UBE2V1: variants seen among roughly 807,000 people sequenced by gnomAD.
UBE2V1 encodes ubiquitin conjugating enzyme E2 V1, also known as ubiquitin-conjugating enzyme E2 variant 1.
Under a neutral mutation model 19.6 loss-of-function variants are expected in UBE2V1, and 15 were observed. That is an observed-to-expected ratio of 0.77 (90% CI 0.51 to 1.18). UBE2V1 has a LOEUF of 1.18. UBE2V1 is among the 50% of genes most tolerant of loss of function. The probability of loss-of-function intolerance (pLI) is 0.00; values close to 1 mark genes in which losing one functional copy is unlikely to be tolerated. For synonymous variants in UBE2V1, 60 were observed against 60.7 expected, an observed-to-expected ratio of 0.99 and a Z score of 0.05; for missense variants, 125 against 184.8, an observed-to-expected ratio of 0.68 and a Z score of 1.88.
At chr20:50,096,956 C>T (rs2079663536) in intron 1 of UBE2V1, 136 bp from the exon 2 acceptor site, 1 of 1,390,318 alleles carries the variant, frequency 7.2e-7, no homozygotes. Flanking sequence ...TATCACACCT[C>T]AAACTTGCTA....
intron 2 of UBE2V1, among the ~76,000 whole-genome samples, chr20:50,094,040 T>A (rs1342354655): frequency 9.5e-4 from 119 of 125,560 alleles, no homozygotes; most frequent in African/African-American, 2.5e-3. Context: ...ATAAAATATA[T>A]ATATATAAAA....
At chr20:50,098,676 T>C (rs2079789946) in intron 1 of UBE2V1, among the ~76,000 whole-genome samples, 2 of 152,316 alleles carry the variant, frequency 1.3e-5, no homozygotes, top group Middle Eastern at 3.4e-3. Flanking sequence ...CGGTGGTATG[T>C]GATTGAACAC....
At chr20:50,111,324 G>C (rs2080738630) in intron 1 of UBE2V1, 1 of 993,952 alleles carries the variant, frequency 1.0e-6, no homozygotes, top group Admixed American at 6.2e-5. Context: ...GTTAGAACCG[G>C]GCAGCTGTTA....
chr20:50,083,837 C>T (rs961317026), intron 3 of UBE2V1: 13 of 220,530 alleles, frequency 5.9e-5, no homozygotes, highest in African/African-American at 2.5e-4. Context: ...AGATCTTCCA[C>T]GTCTGTGCCT....
At chr20:50,088,745 C>T (rs993921911) in intron 2 of UBE2V1, among the ~76,000 whole-genome samples, 2 of 144,750 alleles carry the variant, frequency 1.4e-5, no homozygotes, top group African/African-American at 5.2e-5. Context: ...GTGATTGTGT[C>T]ACTGAACTTC....
chr20:50,097,985 A>G (rs765374760), intron 1 of UBE2V1, among the ~76,000 whole-genome samples: 1 of 152,268 alleles, frequency 6.6e-6, no homozygotes, highest in Non-Finnish European at 1.5e-5. Context: ...TAAAACAAAA[A>G]TGCCTGCAGC....
At chr20:50,095,608 C>T (rs1568991737) in intron 2 of UBE2V1, among the ~76,000 whole-genome samples, 2 of 152,204 alleles carry the variant, frequency 1.3e-5, no homozygotes, top group Admixed American at 1.3e-4. Flanking sequence ...CGGGCCACGC[C>T]CTACATGTCT....
rs2079744428 is a variant in UBE2V1 at position 50,098,059 on chromosome 20, ATCC to A, written c.23-1242_23-1240del. ...ATATGTAAATTATACAGTATGACAGATCCTGGTGTTCCGGAGGAGGGAGTAATA... is the reference window on the plus strand; with the variant it reads ...ATATGTAAATTATACAGTATGACAGATGGTGTTCCGGAGGAGGGAGTAATA... On this transcript the variant is annotated intron_variant, in intron 1 of 3. Transcript: ENST00000371674. 3.3e-5 allele frequency among the ~76,000 whole-genome samples: 5 copies of A among 152,224 alleles called. No individual in the cohort carries two copies. In the South Asian group the frequency reaches 1.0e-3, roughly 31 times the overall value.
intron 2 of UBE2V1, among the ~76,000 whole-genome samples, chr20:50,089,268 C>G (rs2079090858): frequency 6.6e-6 from 1 of 152,090 alleles, no homozygotes; most frequent in African/African-American, 2.4e-5. Flanking sequence ...GAGTTGAACT[C>G]AGAACTCTGA....
chr20:50,104,225 T>C, intron 1 of UBE2V1: 1 of 835,090 alleles, frequency 1.2e-6, no homozygotes. Context: ...GAGGTTACAG[T>C]GAGCCGAGAT....
At chr20:50,089,015 G>A (rs545460270) in intron 2 of UBE2V1, among the ~76,000 whole-genome samples, 4 of 152,230 alleles carry the variant, frequency 2.6e-5, no homozygotes, top group South Asian at 4.1e-4. Context: ...GGAGAAGAGT[G>A]GGGATATGGC....
At chr20:50,098,072 G>A (rs936511143) in intron 1 of UBE2V1, among the ~76,000 whole-genome samples, 2 of 152,182 alleles carry the variant, frequency 1.3e-5, no homozygotes, top group Non-Finnish European at 2.9e-5. Flanking sequence ...CTGGTGTTCC[G>A]GAGGAGGGAG....
Position 50,096,605 on chromosome 20 carries a change from A to G in UBE2V1, c.171+67T>C, listed in dbSNP as rs896586792. ...GAGCTTTTTTTCCGTGATAAGGCTA[A>G]TATTTTTTAAAAGGAGGCACAGTGA... is the stretch of plus-strand genomic sequence containing the variant. On this transcript the variant is annotated intron_variant, in intron 2 of 3. Transcript: ENST00000371674. The G allele has an allele frequency of 2.5e-6, 4 of 1,607,920 alleles. No homozygotes were observed. In the Admixed American group the frequency reaches 6.8e-5, roughly 27 times the overall value.
At chr20:50,103,247 G>C (rs2080123950) in intron 1 of UBE2V1, among the ~76,000 whole-genome samples, 1 of 152,180 alleles carries the variant, frequency 6.6e-6, no homozygotes, top group Non-Finnish European at 1.5e-5. Flanking sequence ...CTAGGTATTA[G>C]CTAGGAACAG....
intron 3 of UBE2V1, chr20:50,083,910 CA>C: frequency 2.0e-6 from 1 of 495,316 alleles, no homozygotes; most frequent in Admixed American, 4.3e-5. Flanking sequence ...TCAAAGCGAC[CA>C]GCACAGAACT....
chr20:50,094,298 T>TC (rs59144352), intron 2 of UBE2V1, among the ~76,000 whole-genome samples: 13 of 81,080 alleles, frequency 1.6e-4, no homozygotes, highest in African/African-American at 5.6e-4. Context: ...AATATATAAT[T>TC]ATATATAATA....
Position 50,099,641 on chromosome 20 carries a change from C to T in UBE2V1, c.23-2821G>A, listed in dbSNP as rs552534526. On this transcript the variant is annotated intron_variant, in intron 1 of 3. Transcript: ENST00000371674. The stretch of plus-strand genomic sequence containing the variant: ...ACTGTCATTCCTGCTGTCCAGAAGG[C>T]TCCTTCCCCTAGGAATCCATAAGCC... Among the ~76,000 whole-genome samples the T allele has an allele frequency of 5.3e-5, 8 of 152,312 alleles. No homozygotes were observed. The South Asian group carries it at 1.7e-3, about 32-fold the overall frequency.
chr20:50,087,498 A>G (rs1159813550), intron 2 of UBE2V1, among the ~76,000 whole-genome samples: 4 of 152,302 alleles, frequency 2.6e-5, no homozygotes, highest in African/African-American at 9.6e-5. Context: ...ACCTGCTAAA[A>G]AGGTTTCAGC....
At chr20:50,108,758 A>C (rs1271572873) in intron 1 of UBE2V1, among the ~76,000 whole-genome samples, 1 of 152,226 alleles carries the variant, frequency 6.6e-6, no homozygotes, top group Non-Finnish European at 1.5e-5. Flanking sequence ...AAGAGGTGTG[A>C]GTCATTCAGT....
Sources: gnomAD v4.1 joint callset for allele counts (sites outside exome capture counted in the v4.1 genomes callset) on GRCh38, gnomAD v4.1.1 for gene constraint, MANE v1.5 for transcripts, NCBI Gene and HGNC (gene_info 2026-07-23, HGNC 2026-07-21) for gene names.